ZNF184: variants seen among roughly 807,000 people sequenced by gnomAD.
The protein encoded by ZNF184 is zinc finger protein 184 (Kruppel-like).
ZNF184 carries 16 observed loss-of-function variants against 54.4 expected under a neutral mutation model. The observed-to-expected ratio is 0.29, with a 90% CI of 0.20 to 0.45. The LOEUF (loss-of-function observed/expected upper bound fraction) is 0.45. Among genes scored for constraint, ZNF184 ranks in the 20% least tolerant of loss-of-function variants. The probability of loss-of-function intolerance (pLI) is 1.00; values close to 1 mark genes in which losing one functional copy is unlikely to be tolerated. For missense variants in ZNF184, 681 were observed against 888.2 expected (o/e 0.77, Z 2.97); for synonymous variants, 254 against 295.3 (o/e 0.86, Z 1.43).
chr6:27,407,087 G>A, the ZNF184 span: 1 of 152,622 alleles, frequency 6.6e-6, no homozygotes, highest in African/African-American at 2.4e-5. Flanking sequence ...GAACCCTCAG[G>A]GGCTGAAGAC....
chr6:27,443,171 G>A, the ZNF184 span, among the ~76,000 whole-genome samples: 17 of 152,122 alleles, frequency 1.1e-4, no homozygotes, highest in African/African-American at 3.4e-4. Context: ...TTCACCTTCG[G>A]GTTCTTCTTC....
At chr6:27,454,952 A>G (rs1762819263) in intron 5 of ZNF184, among the ~76,000 whole-genome samples, 1 of 152,208 alleles carries the variant, frequency 6.6e-6, no homozygotes, top group African/African-American at 2.4e-5. Context: ...AGGGTTATAG[A>G]TCATGATCCT....
chr6:27,409,477 C>T, the ZNF184 span, among the ~76,000 whole-genome samples: 14 of 123,730 alleles, frequency 1.1e-4, no homozygotes, highest in East Asian at 2.4e-4. Context: ...CCAGCCTGGG[C>T]GACAGAGTGA....
downstream of ZNF184, among the ~76,000 whole-genome samples, chr6:27,447,920 T>C (rs1435034851): frequency 6.6e-6 from 1 of 152,094 alleles, no homozygotes; most frequent in Admixed American, 6.5e-5. Flanking sequence ...CCATATCTAA[T>C]TGTTGGAATT....
the ZNF184 span, among the ~76,000 whole-genome samples, chr6:27,417,929 G>A: frequency 6.6e-6 from 1 of 152,200 alleles, no homozygotes; most frequent in Non-Finnish European, 1.5e-5. Flanking sequence ...TGCCTCACTA[G>A]TGTCATATGG....
At chr6:27,455,061 T>C (rs566052199) in intron 5 of ZNF184, among the ~76,000 whole-genome samples, 3 of 152,164 alleles carry the variant, frequency 2.0e-5, no homozygotes, top group Admixed American at 6.5e-5. Context: ...AAACTCAACA[T>C]AGGTACTGTC....
intron 2 of ZNF184, among the ~76,000 whole-genome samples, chr6:27,470,332 G>C (rs1561844353): frequency 6.6e-6 from 1 of 152,036 alleles, no homozygotes; most frequent in South Asian, 2.1e-4. Flanking sequence ...AGACAGCTTA[G>C]GCAGGTGGGG....
At chr6:27,404,224 T>C in the ZNF184 span, 1 of 152,202 alleles carries the variant, frequency 6.6e-6, no homozygotes, top group East Asian at 1.9e-4. Context: ...TTGCTTACAT[T>C]GTTTTAGAAG....
the ZNF184 span, among the ~76,000 whole-genome samples, chr6:27,427,113 A>G: frequency 0.09 from 9,587 of 106,920 alleles, 421 homozygotes; most frequent in South Asian, 0.21. Context: ...ATAACACTCT[A>G]TGTAAAAAAA....
the ZNF184 span, among the ~76,000 whole-genome samples, chr6:27,409,295 C>T: frequency 1.4e-4 from 22 of 151,832 alleles, no homozygotes; most frequent in Admixed American, 1.4e-3. Flanking sequence ...GTGAGGAGAT[C>T]GAGACCATCC....
the ZNF184 span, chr6:27,405,649 G>A: frequency 6.6e-6 from 1 of 152,268 alleles, no homozygotes; most frequent in African/African-American, 2.4e-5. Context: ...CTTCGCTAAA[G>A]TGGATGTCTG....
chr6:27,437,766 A>T, the ZNF184 span, among the ~76,000 whole-genome samples: 1 of 152,224 alleles, frequency 6.6e-6, no homozygotes. Context: ...AATATGAAGC[A>T]ATCTTCAAGG....
the ZNF184 span, among the ~76,000 whole-genome samples, chr6:27,429,737 A>T: frequency 6.6e-6 from 1 of 152,086 alleles, no homozygotes; most frequent in South Asian, 2.1e-4. Context: ...GCCCCAGCAA[A>T]AGGCTGATCT....
At chr6:27,442,027 A>G in the ZNF184 span, among the ~76,000 whole-genome samples, 2 of 152,246 alleles carry the variant, frequency 1.3e-5, no homozygotes. Flanking sequence ...TATTTTGATC[A>G]TGCTAAAATA....
the ZNF184 span, among the ~76,000 whole-genome samples, chr6:27,439,601 T>C: frequency 1.3e-5 from 2 of 152,186 alleles, no homozygotes; most frequent in Non-Finnish European, 2.9e-5. Flanking sequence ...TCTCATCACA[T>C]AGGTATCTTA....
At chr6:27,441,184 G>A in the ZNF184 span, among the ~76,000 whole-genome samples, 4 of 152,094 alleles carry the variant, frequency 2.6e-5, no homozygotes, top group Non-Finnish European at 4.4e-5. Context: ...AGGTGGAAAA[G>A]CATGAACTCT....
chr6:27,459,774 G>A (rs1407335015), intron 3 of ZNF184, among the ~76,000 whole-genome samples: 1 of 152,142 alleles, frequency 6.6e-6, no homozygotes, highest in Non-Finnish European at 1.5e-5. Flanking sequence ...CCATTAATAG[G>A]ATAGTGGTTA....
the ZNF184 span, among the ~76,000 whole-genome samples, chr6:27,429,215 T>C: frequency 6.6e-6 from 1 of 152,210 alleles, no homozygotes; most frequent in Non-Finnish European, 1.5e-5. Context: ...CCTACAGAAG[T>C]AATAGGGTTA....
chr6:27,424,571 GC>G, the ZNF184 span, among the ~76,000 whole-genome samples: 7 of 152,116 alleles, frequency 4.6e-5, no homozygotes, highest in African/African-American at 9.7e-5. Context: ...GTTCTCCAAG[GC>G]CCCACCTGAG....
Sources: allele counts gnomAD v4.1 joint callset (sites outside exome capture counted in the v4.1 genomes callset), GRCh38; gene constraint gnomAD v4.1.1; transcripts MANE v1.5; gene names NCBI Gene and HGNC (gene_info 2026-07-23, HGNC 2026-07-21).